The following NRG4 variants were observed in gnomAD, a reference collection of about 807,000 sequenced individuals.
NRG4 encodes pro-neuregulin-4, membrane-bound isoform.
Under a neutral mutation model 15.0 loss-of-function variants are expected in NRG4, and 10 were observed. The observed-to-expected ratio is 0.67, with a 90% CI of 0.41 to 1.13. The LOEUF is 1.13. NRG4 is among the 50% of genes most tolerant of loss of function. The pLI is 0.00. For synonymous variants in NRG4, 41 were observed against 50.1 expected (o/e 0.82, Z 0.77); for missense variants, 139 against 140.2 (o/e 0.99, Z 0.04).
At chr15:75,973,011 T>C (rs1208751113) in intron 3 of NRG4, among the ~76,000 whole-genome samples, 1 of 152,212 alleles carries the variant, frequency 6.6e-6, no homozygotes, top group Non-Finnish European at 1.5e-5. Context: ...GAGCATGGAA[T>C]GTTCTTCCAT....
chr15:76,010,101 C>G (rs1234103983), intron 2 of NRG4, among the ~76,000 whole-genome samples: 1 of 151,966 alleles, frequency 6.6e-6, no homozygotes, highest in Non-Finnish European at 1.5e-5. Flanking sequence ...GCCTCACCCC[C>G]AAGACCTTTT....
At chr15:76,045,803 G>A (rs2035856005) in intron 4 of NRG4, among the ~76,000 whole-genome samples, 1 of 150,772 alleles carries the variant, frequency 6.6e-6, no homozygotes, top group Non-Finnish European at 1.5e-5. Context: ...GGGGCTGGTT[G>A]GGGGAAGTGG....
chr15:75,954,507 G>A (rs539410346), intron 5 of NRG4, among the ~76,000 whole-genome samples: 2 of 149,374 alleles, frequency 1.3e-5, no homozygotes, highest in African/African-American at 4.9e-5. Flanking sequence ...TTGGCTCAAT[G>A]CAACCTCCGC....
intron 5 of NRG4, among the ~76,000 whole-genome samples, chr15:76,030,662 T>C (rs74024068): frequency 0.037 from 5,638 of 152,298 alleles, 182 homozygotes; most frequent in African/African-American, 0.085. Flanking sequence ...GGAAAGACTT[T>C]AGGACACTGG....
At chr15:75,954,940 A>T (rs2032143887) in intron 5 of NRG4, among the ~76,000 whole-genome samples, 1 of 152,016 alleles carries the variant, frequency 6.6e-6, no homozygotes, top group African/African-American at 2.4e-5. Context: ...AGCAGTGCTT[A>T]ATCTAGGGCT....
At chr15:75,975,957 G>C (rs1279788311) in intron 3 of NRG4, among the ~76,000 whole-genome samples, 1 of 152,100 alleles carries the variant, frequency 6.6e-6, no homozygotes, top group East Asian at 1.9e-4. Context: ...TTTCCAACTT[G>C]GTTCCATTCA....
chr15:75,970,597 A>T (rs756913758), intron 3 of NRG4, among the ~76,000 whole-genome samples: 1 of 152,224 alleles, frequency 6.6e-6, no homozygotes, highest in Non-Finnish European at 1.5e-5. Context: ...AGACCTTACC[A>T]GGTCACTCTC....
At chr15:76,042,130 A>G (rs1333171062) in intron 4 of NRG4, among the ~76,000 whole-genome samples, 2 of 152,152 alleles carry the variant, frequency 1.3e-5, no homozygotes, top group Non-Finnish European at 2.9e-5. Context: ...TTACTGAAAC[A>G]AATGATAATG....
At chr15:75,987,142 C>T (rs1440485032) in intron 3 of NRG4, among the ~76,000 whole-genome samples, 2 of 152,062 alleles carry the variant, frequency 1.3e-5, no homozygotes, top group Non-Finnish European at 2.9e-5. Context: ...GCTTTGCGGT[C>T]CCCAGGAAAG....
Position 76,051,562 on chromosome 15 carries a change from CTTCT to C in NRG4, c.-105+501_-105+504del, listed in dbSNP as rs2036017188. The stretch of plus-strand genomic sequence containing the variant: ...AATAGTTAACATATAATTGAACAAT[CTTCT>C]TTTTTTTTTTTTTTTGAGACAGAGT... On this transcript the variant is annotated intron_variant, in intron 4 of 8. Coordinates refer to the NRG4 transcript ENST00000563910. Among the ~76,000 whole-genome samples, 5 of 146,992 alleles carry C rather than the reference CTTCT, an allele frequency of 3.4e-5. No individual in the cohort carries two copies. In the South Asian group the frequency reaches 8.5e-4, roughly 25 times the overall value.
At chr15:75,946,164 T>C (rs74667037) in intron 5 of NRG4, among the ~76,000 whole-genome samples, 12 of 152,200 alleles carry the variant, frequency 7.9e-5, no homozygotes, top group African/African-American at 2.6e-4. Context: ...CAGCGGGAGA[T>C]TTCATCATGT....
chr15:76,008,007 A>C (rs1312432059), intron 3 of NRG4, among the ~76,000 whole-genome samples: 2 of 152,142 alleles, frequency 1.3e-5, no homozygotes, highest in African/African-American at 4.8e-5. Context: ...GTCAGCAACA[A>C]AATTTGGGGG....
intron 3 of NRG4, among the ~76,000 whole-genome samples, chr15:75,990,095 C>T (rs993457641): frequency 1.3e-5 from 2 of 152,094 alleles, no homozygotes; most frequent in African/African-American, 4.8e-5. Context: ...ACATCGCAGC[C>T]CTGCCTGAGC....
intron 4 of NRG4, among the ~76,000 whole-genome samples, chr15:76,044,171 T>G (rs2035811514): frequency 1.3e-5 from 2 of 151,374 alleles, no homozygotes; most frequent in Non-Finnish European, 2.9e-5. Context: ...CTAATTTTTT[T>G]TTTTGTATTT....
chr15:76,048,502 G>A (rs996566601), intron 4 of NRG4, among the ~76,000 whole-genome samples: 1 of 148,050 alleles, frequency 6.8e-6, no homozygotes, highest in Non-Finnish European at 1.5e-5. Context: ...GCTGGCTGGT[G>A]AATGTGATTT....
chr15:75,954,280 A>C (rs1015573129), intron 5 of NRG4, among the ~76,000 whole-genome samples: 2 of 133,090 alleles, frequency 1.5e-5, no homozygotes, highest in African/African-American at 5.9e-5. Flanking sequence ...TTTTTTTTTG[A>C]TCTCAGACAC....
intron 3 of NRG4, among the ~76,000 whole-genome samples, chr15:75,978,377 C>T (rs2033457711): frequency 6.6e-6 from 1 of 152,058 alleles, no homozygotes; most frequent in African/African-American, 2.4e-5. Flanking sequence ...CATGACGGGA[C>T]TTCATTTTTT....
intron 4 of NRG4, among the ~76,000 whole-genome samples, chr15:75,961,244 G>A (rs1413617346): frequency 6.6e-6 from 1 of 151,544 alleles, no homozygotes; most frequent in African/African-American, 2.4e-5. Context: ...ACGAATGAAA[G>A]TAATCTTCAG....
At chr15:76,035,158 C>T (rs1273084211) in intron 5 of NRG4, among the ~76,000 whole-genome samples, 1 of 152,240 alleles carries the variant, frequency 6.6e-6, no homozygotes, top group African/African-American at 2.4e-5. Context: ...TTCTGTCCAT[C>T]TACTCCAAGG....
Sources: allele counts gnomAD v4.1 joint callset (sites outside exome capture counted in the v4.1 genomes callset), GRCh38; gene constraint gnomAD v4.1.1; transcripts MANE v1.5; gene names NCBI Gene and HGNC (gene_info 2026-07-23, HGNC 2026-07-21).